STARD3NL: variants seen among roughly 807,000 people sequenced by gnomAD.
STARD3NL encodes the protein STARD3 N-terminal like.
A neutral mutation model predicts 30.9 loss-of-function variants in STARD3NL; 17 were observed. That is an observed-to-expected ratio of 0.55 (90% CI 0.38 to 0.82). STARD3NL has a LOEUF of 0.82. Ranked by LOEUF, STARD3NL falls within the 40% of genes least tolerant of loss-of-function variation. STARD3NL has a pLI of 0.00. For synonymous variants in STARD3NL, 112 were observed against 100.5 expected (o/e 1.11, Z -0.69); for missense variants, 234 against 277.6 (o/e 0.84, Z 1.12).
intron 7 of STARD3NL, among the ~76,000 whole-genome samples, chr7:38,220,497 T>C (rs12701609): frequency 0.084 from 12,737 of 152,230 alleles, 653 homozygotes; most frequent in Middle Eastern, 0.15. Flanking sequence ...AAATAAGTAT[T>C]GGTGAGAATA....
intron 1 of STARD3NL, among the ~76,000 whole-genome samples, chr7:38,192,228 A>C (rs527607440): frequency 6.6e-6 from 1 of 152,238 alleles, no homozygotes; most frequent in South Asian, 2.1e-4. Context: ...GATTGAAGGA[A>C]TTGGTAAATA....
intron 7 of STARD3NL, among the ~76,000 whole-genome samples, chr7:38,221,216 A>G (rs1213502523): frequency 2.6e-5 from 4 of 152,158 alleles, no homozygotes. Flanking sequence ...CTATGGTAAA[A>G]AACCCACTAT....
chr7:38,211,039 A>C (rs541036089), intron 2 of STARD3NL, among the ~76,000 whole-genome samples: 2 of 152,304 alleles, frequency 1.3e-5, no homozygotes, highest in East Asian at 3.9e-4. Flanking sequence ...GCCCCTTTGA[A>C]GATACAAAGG....
intron 1 of STARD3NL, among the ~76,000 whole-genome samples, chr7:38,194,156 T>C (rs962618182): frequency 2.6e-5 from 4 of 152,192 alleles, no homozygotes; most frequent in Admixed American, 2.6e-4. Flanking sequence ...ACTTTAGTTA[T>C]GGTTTTCAAA....
At chr7:38,179,736 C>T (rs1784170669) in intron 1 of STARD3NL, among the ~76,000 whole-genome samples, 2 of 152,148 alleles carry the variant, frequency 1.3e-5, no homozygotes. Flanking sequence ...AAAGATACTA[C>T]TGGGTAGAGA....
intron 1 of STARD3NL, among the ~76,000 whole-genome samples, chr7:38,202,933 A>G (rs1319919335): frequency 6.6e-6 from 1 of 151,964 alleles, no homozygotes; most frequent in African/African-American, 2.4e-5. Flanking sequence ...ATAGTATTCC[A>G]TGGTGTATAT....
chr7:38,197,200 C>G (rs1014206962), intron 1 of STARD3NL, among the ~76,000 whole-genome samples: 2 of 131,278 alleles, frequency 1.5e-5, no homozygotes, highest in African/African-American at 5.6e-5. Context: ...TTCTTTTTCT[C>G]TCTCTCTCTT....
chr7:38,210,931 TAA>T (rs1785764682), intron 2 of STARD3NL, among the ~76,000 whole-genome samples: 1 of 152,208 alleles, frequency 6.6e-6, no homozygotes, highest in Non-Finnish European at 1.5e-5. Context: ...AGCTGTTTAA[TAA>T]GTTCTCTGGG....
intron 1 of STARD3NL, among the ~76,000 whole-genome samples, chr7:38,186,796 T>G (rs770545168): frequency 2.0e-5 from 3 of 152,148 alleles, no homozygotes; most frequent in African/African-American, 4.8e-5. Context: ...GGAAGTCACC[T>G]AATGACGCAT....
Position 38,202,413 on chromosome 7 carries a change from G to A in STARD3NL, c.-58-5034G>A, listed in dbSNP as rs138595315. ...CTGAGGACATCTGTACAGAACCCCA[G>A]CAAAGTGATGTTTGAATTTAGTGCC... On this transcript the variant is annotated intron_variant, in intron 1 of 8. Transcript: ENST00000009041. Among the ~76,000 whole-genome samples the A allele has an allele frequency of 5.9e-5, 9 of 152,216 alleles. No homozygotes were observed. The East Asian group carries it at 1.5e-3, about 26-fold the overall frequency.
intron 3 of STARD3NL, 115 bp from the exon 4 acceptor site, chr7:38,214,913 C>T: frequency 1.1e-6 from 1 of 898,846 alleles, no homozygotes; most frequent in Non-Finnish European, 1.7e-6. Context: ...CAGTGCCAGT[C>T]CCTGGTAGTC....
intron 1 of STARD3NL, chr7:38,202,200 A>G (rs1355486527): frequency 1.3e-5 from 2 of 152,224 alleles, no homozygotes; most frequent in African/African-American, 4.8e-5. Context: ...GAAATTATGT[A>G]AGAATGCTTT....
At chr7:38,210,688 A>C (rs2116280199) in intron 2 of STARD3NL, among the ~76,000 whole-genome samples, 1 of 151,882 alleles carries the variant, frequency 6.6e-6, no homozygotes, top group East Asian at 1.9e-4. Context: ...CCCTCTGCAG[A>C]CTCTCTCCTA....
In STARD3NL at chr7:38,214,426, G is replaced by T. The variant is rs1332852861; in HGVS notation, c.295G>T (p.Asp99Tyr). The T allele has an allele frequency of 1.3e-6, 2 of 1,588,160 alleles. No individual in the cohort carries two copies. The highest frequency in any genetic ancestry group is 1.7e-5 in the Admixed American group (1 of 59,104). ...GTATGACTACTATTCTTCATATTTT[G>T]ATATATTTGTAAGTATTTTTTATGT... is the stretch of plus-strand genomic sequence containing the variant. ...MQYDYYSSYF[D>Y]IFLLAVFRFK... is the part of the protein sequence containing the mutation. The change falls in exon 3 of 9, where the codon GAT (aspartate) becomes TAT (tyrosine). Residue 99 changes from aspartate (D) to tyrosine (Y), a missense_variant. Asp to Tyr is a radical substitution (Grantham distance 160). Transcript: ENST00000009041.
chr7:38,208,723 C>T (rs1785630506), intron 2 of STARD3NL, among the ~76,000 whole-genome samples: 1 of 152,140 alleles, frequency 6.6e-6, no homozygotes, highest in South Asian at 2.1e-4. Context: ...TAGGGGGTTA[C>T]TCTTTGCTAG....
chr7:38,183,708 C>T (rs1208574786), intron 1 of STARD3NL, among the ~76,000 whole-genome samples: 1 of 152,092 alleles, frequency 6.6e-6, no homozygotes, highest in African/African-American at 2.4e-5. Flanking sequence ...ATATTCTTAG[C>T]TTATTTAATA....
At chr7:38,182,975 C>T (rs1422848809) in intron 1 of STARD3NL, among the ~76,000 whole-genome samples, 1 of 152,168 alleles carries the variant, frequency 6.6e-6, no homozygotes, top group East Asian at 1.9e-4. Context: ...TTTTCAAATA[C>T]TGTGCATTAT....
chr7:38,216,717 T>G (rs1786142064), intron 4 of STARD3NL: 1 of 379,626 alleles, frequency 2.6e-6, no homozygotes, highest in Non-Finnish European at 4.8e-6. Context: ...TCTCTTCATG[T>G]GCTTGTAGAG....
At chr7:38,228,293 A>C (rs1395192087) in intron 7 of STARD3NL, among the ~76,000 whole-genome samples, 1 of 152,214 alleles carries the variant, frequency 6.6e-6, no homozygotes, top group Non-Finnish European at 1.5e-5. Context: ...AGAATTCCAG[A>C]GCGGAATGAC....
Sources: gnomAD v4.1 joint callset for allele counts (sites outside exome capture counted in the v4.1 genomes callset) on GRCh38, gnomAD v4.1.1 for gene constraint, MANE v1.5 for transcripts, NCBI Gene and HGNC (gene_info 2026-07-23, HGNC 2026-07-21) for gene names.